The following PMM2 variants were observed in gnomAD, a reference collection of about 807,000 sequenced individuals.
PMM2 encodes mannose-6-phosphate isomerase.
A neutral mutation model predicts 33.2 loss-of-function variants in PMM2; 35 were observed. The observed-to-expected ratio is 1.06, with a 90% CI of 0.81 to 1.40. PMM2 has a LOEUF of 1.40. Ranked by LOEUF, PMM2 falls within the 40% of genes most tolerant of loss-of-function variation. PMM2 has a pLI of 0.00. For synonymous variants in PMM2, 153 were observed against 114.7 expected (o/e 1.33, Z -2.13); for missense variants, 386 against 306.0 (o/e 1.26, Z -1.95).
intron 7 of PMM2, among the ~76,000 whole-genome samples, chr16:8,827,719 C>CATATAT (rs60052078): frequency 2.7e-3 from 183 of 66,828 alleles, no homozygotes; most frequent in African/African-American, 4.4e-3. Context: ...TAAATGTGTG[C>CATATAT]ATATATATAT....
chr16:8,827,876 TTATATAA>T (rs1318135171), intron 7 of PMM2, among the ~76,000 whole-genome samples: 4 of 89,182 alleles, frequency 4.5e-5, no homozygotes, highest in Middle Eastern at 9.1e-3. Context: ...TATATATATG[TTATATAA>T]TATATGATAT....
chr16:8,847,808 G>T lies in PMM2; in HGVS notation c.724G>T (p.Glu242Ter). 1 of 1,613,198 alleles carries T rather than the reference G, an allele frequency of 6.2e-7. No individual in the cohort carries two copies. ...GCCTGAGGACACGCGCAGGATCTGT[G>T]AACTGCTGTTCTCCTAACGTGGGAG... The part of the protein sequence containing the change: ...TAPEDTRRIC[E>*]LLFS The change falls in exon 8 of 8, where the codon GAA (glutamate) becomes TAA (stop). Residue 242 changes from glutamate to a stop codon, truncating the protein, a stop_gained. Coordinates refer to ENST00000268261, the MANE Select transcript of PMM2 (RefSeq NM_000303.3). LOFTEE classifies it high-confidence loss of function.
At chr16:8,802,898 C>T (rs1461981801) in intron 2 of PMM2, among the ~76,000 whole-genome samples, 1 of 152,116 alleles carries the variant, frequency 6.6e-6, no homozygotes, top group East Asian at 1.9e-4. Flanking sequence ...CTGTTGTCCC[C>T]AGAGTCCTCA....
At position 8,848,972 on chromosome 16, in the gene PMM2, T is replaced by G. The variant is rs1192044510; in HGVS notation, c.*1147T>G. The stretch of plus-strand genomic sequence containing the variant: ...TAGGAAACGGTTCATGTGTCACTTT[T>G]CAGGATGTGGAAACACTGAGCCATA... On this transcript the variant is annotated 3_prime_UTR_variant, in exon 8 of 8. Transcript: ENST00000268261. 6.6e-6 allele frequency: 1 copy of G among 152,278 alleles called. No individual in the cohort carries two copies. The highest frequency in any genetic ancestry group is 1.5e-5 in the Non-Finnish European group (1 of 68,058). 9.4% of individuals were successfully genotyped at this position (152,278 alleles called of 1,614,324 possible).
chr16:8,832,564 A>G, intron 7 of PMM2: 1 of 985,034 alleles, frequency 1.0e-6, no homozygotes, highest in Non-Finnish European at 1.2e-6. Flanking sequence ...ACTAGCATAA[A>G]CCCTTTTTGC....
At chr16:8,831,816 T>G (rs1268873587) in intron 7 of PMM2, among the ~76,000 whole-genome samples, 1 of 152,144 alleles carries the variant, frequency 6.6e-6, no homozygotes, top group East Asian at 1.9e-4. Context: ...TTGGGACTAT[T>G]AGGGATTTAA....
At chr16:8,835,559 G>A (rs1314675040) in intron 7 of PMM2, among the ~76,000 whole-genome samples, 1 of 152,034 alleles carries the variant, frequency 6.6e-6, no homozygotes, top group African/African-American at 2.4e-5. Context: ...ATTGAGGACA[G>A]GAGAGTATAT....
Position 8,813,219 on chromosome 16 carries a change from A to AC in PMM2, c.639+114dup. The AC allele has an allele frequency of 3.9e-6, 3 of 771,396 alleles. No homozygotes were observed. In the South Asian group the frequency reaches 4.2e-5, roughly 11 times the overall value. 47.8% of individuals were successfully genotyped at this position (771,396 alleles called of 1,614,324 possible). Reference sequence around the variant, plus strand: ...CACTTTACCCACCCGCCCTGCTCAAACTGAGCAGTGGCTTCTGTCCTGGAG... The same window carrying AC: ...CACTTTACCCACCCGCCCTGCTCAAACCTGAGCAGTGGCTTCTGTCCTGGAG... On this transcript the variant is annotated intron_variant, in intron 7 of 7. Transcript: ENST00000268261.
At position 8,802,505 on chromosome 16, in the gene PMM2, A is replaced by G. The variant is rs1456182434; in HGVS notation, c.178+595A>G. Reference sequence around the variant, plus strand: ...GCAGGAGTATGGGTTATTCATCTCCATAGCCACAGGGCCTCCTGGCCTGTA... The same window carrying G: ...GCAGGAGTATGGGTTATTCATCTCCGTAGCCACAGGGCCTCCTGGCCTGTA... On this transcript the variant is annotated intron_variant, in intron 2 of 7. Transcript: ENST00000268261. The G allele has an allele frequency of 8.9e-5, 27 of 304,076 alleles. No individual in the cohort carries two copies. The Admixed American group carries it at 1.2e-3, about 13-fold the overall frequency. 18.8% of individuals were successfully genotyped at this position (304,076 alleles called of 1,614,324 possible).
At chr16:8,843,973 TG>T in intron 7 of PMM2, among the ~76,000 whole-genome samples, 1 of 152,146 alleles carries the variant, frequency 6.6e-6, no homozygotes, top group Admixed American at 6.5e-5. Context: ...AAGGAAGATT[TG>T]GGACGAGTTG....
intron 7 of PMM2, among the ~76,000 whole-genome samples, chr16:8,827,786 ATATATATTTATACATATT>A (rs2060781007): frequency 1.1e-5 from 1 of 91,056 alleles, no homozygotes; most frequent in African/African-American, 4.7e-5. Context: ...ATATATATTT[ATATATATTTATACATATT>A]TATATATTTA....
chr16:8,808,795 C>T (rs896389612), intron 4 of PMM2: 1 of 152,258 alleles, frequency 6.6e-6, no homozygotes, highest in African/African-American at 2.4e-5. Flanking sequence ...CACCCGTCCC[C>T]TAGTGCCTCA....
At chr16:8,846,138 C>A (rs963295499) in intron 7 of PMM2, among the ~76,000 whole-genome samples, 2 of 152,178 alleles carry the variant, frequency 1.3e-5, no homozygotes, top group African/African-American at 4.8e-5. Flanking sequence ...AACCTGACTC[C>A]ACCCAGCACT....
At chr16:8,806,234 G>T (rs1160121107) in intron 3 of PMM2, 82 bp from the exon 4 acceptor site, 2 of 864,790 alleles carry the variant, frequency 2.3e-6, no homozygotes, top group African/African-American at 1.6e-5. Context: ...AGCAATCGTG[G>T]CTGAAGACCC....
At chr16:8,803,050 C>G (rs779815629) in intron 2 of PMM2, among the ~76,000 whole-genome samples, 2 of 152,224 alleles carry the variant, frequency 1.3e-5, no homozygotes, top group South Asian at 4.1e-4. Flanking sequence ...CCACTAGATG[C>G]CCACAGCATA....
chr16:8,835,043 A>C (rs913227629), intron 7 of PMM2, among the ~76,000 whole-genome samples: 2 of 149,956 alleles, frequency 1.3e-5, no homozygotes, highest in African/African-American at 4.9e-5. Flanking sequence ...GTTACGAGAA[A>C]TGTAGAGAGT....
intron 7 of PMM2, among the ~76,000 whole-genome samples, chr16:8,837,334 A>G (rs1234848832): frequency 6.6e-6 from 1 of 151,964 alleles, no homozygotes; most frequent in Non-Finnish European, 1.5e-5. Flanking sequence ...ACTACTGTCG[A>G]GTTTGTATTG....
chr16:8,832,575 T>C (rs567702660), intron 7 of PMM2: 2 of 985,410 alleles, frequency 2.0e-6, no homozygotes, highest in East Asian at 1.1e-4. Flanking sequence ...CCCTTTTTGC[T>C]TCAGGGGTCT....
chr16:8,801,882 G>A lies in PMM2; in HGVS notation c.150G>A (p.Glu50=). 1 of 1,610,902 alleles carries A rather than the reference G, an allele frequency of 6.2e-7. No homozygotes were observed. Residue 50 remains glutamate, a synonymous_variant, in exon 2 of 8, where the codon GAG becomes GAA. Coordinates refer to ENST00000268261, the MANE Select transcript of PMM2 (RefSeq NM_000303.3). ...KIGVVGGSDF[E]KVQEQLGNDV... ...GAGTGGTAGGCGGATCGGACTTTGA[G>A]AAAGTGCAGGAGCAACTGGGAAATG...
Sources: allele counts gnomAD v4.1 joint callset (sites outside exome capture counted in the v4.1 genomes callset), GRCh38; gene constraint gnomAD v4.1.1; transcripts MANE v1.5; gene names NCBI Gene and HGNC (gene_info 2026-07-23, HGNC 2026-07-21).